Variants in TENM1 observed in about 807,000 individuals in gnomAD.
The protein encoded by TENM1 is teneurin transmembrane protein 1, also known as teneurin-1.
Under a neutral mutation model 174.8 loss-of-function variants are expected in TENM1, and 35 were observed. The observed-to-expected ratio is 0.20, with a 90% CI of 0.15 to 0.27. TENM1 has a LOEUF of 0.27. TENM1 is among the 10% of genes least tolerant of loss of function. TENM1 has a pLI of 1.00. For synonymous variants in TENM1, 781 were observed against 798.7 expected (o/e 0.98, Z 0.37); for missense variants, 1,633 against 2,130.1 (o/e 0.77, Z 4.59).
intron 1 of TENM1, among the ~76,000 whole-genome samples, chrX:124,956,697 T>C (rs4131997): frequency 0.12 from 13,240 of 112,144 alleles, 1,886 homozygotes; most frequent in African/African-American, 0.4. Context: ...ATGGATTTTG[T>C]GCTAGAAACT....
At chrX:124,672,986 A>AT (rs201621746) in intron 5 of TENM1, among the ~76,000 whole-genome samples, 11 of 111,578 alleles carry the variant, frequency 9.9e-5, no homozygotes, top group Non-Finnish European at 1.5e-4. Flanking sequence ...TGTTTTCCAT[A>AT]TTTTTTTTAC....
chrX:124,646,593 T>C (rs1373201912), intron 9 of TENM1, 116 bp downstream of exon 12: 2 of 509,493 alleles, frequency 3.9e-6, no homozygotes, highest in African/African-American at 4.7e-5. Context: ...TAGGGAACAC[T>C]GCTGCTGTTG....
intron 11 of TENM1, among the ~76,000 whole-genome samples, chrX:124,605,766 T>C (rs758255570): frequency 1.8e-5 from 2 of 111,727 alleles, no homozygotes; most frequent in Non-Finnish European, 3.8e-5. Flanking sequence ...ATACCAATGT[T>C]GCGCATCATT....
chrX:124,426,884 GC>G (rs1257423793), intron 23 of TENM1, among the ~76,000 whole-genome samples: 1 of 111,878 alleles, frequency 8.9e-6, no homozygotes, highest in Non-Finnish European at 1.9e-5. Context: ...TCTGTCTGAG[GC>G]CTTTGCATGT....
chrX:124,727,507 T>C (rs1407173385), intron 4 of TENM1, among the ~76,000 whole-genome samples: 1 of 111,475 alleles, frequency 9.0e-6, no homozygotes, highest in African/African-American at 3.3e-5. Context: ...CACTTAAAAG[T>C]GAACCTGGAT....
the TENM1 span, among the ~76,000 whole-genome samples, chrX:125,104,108 TAAAGG>T: frequency 1.8e-3 from 204 of 112,220 alleles, 1 homozygote; most frequent in African/African-American, 6.2e-3. Flanking sequence ...ACAAGGGCTG[TAAAGG>T]AAAGAAAAAG....
At chrX:124,725,889 A>T (rs773172845) in intron 4 of TENM1, among the ~76,000 whole-genome samples, 2 of 112,492 alleles carry the variant, frequency 1.8e-5, no homozygotes, top group African/African-American at 6.4e-5. Context: ...ATGGTAATGG[A>T]AATATTTGTT....
chrX:125,091,708 C>T, the TENM1 span, among the ~76,000 whole-genome samples: 1 of 110,986 alleles, frequency 9.0e-6, no homozygotes, highest in East Asian at 2.8e-4. Flanking sequence ...CTAGGAGAGG[C>T]CGGGCATGGT....
At chrX:124,861,590 T>A (rs1603250316) in intron 3 of TENM1, among the ~76,000 whole-genome samples, 1 of 112,278 alleles carries the variant, frequency 8.9e-6, no homozygotes, top group African/African-American at 3.2e-5. Flanking sequence ...TCATTCTAAT[T>A]GGAATGCTTT....
chrX:124,422,730 G>A, intron 23 of TENM1, 92 bp from the exon 27 acceptor site: 1 of 915,128 alleles, frequency 1.1e-6, no homozygotes, highest in Non-Finnish European at 1.5e-6. Flanking sequence ...TTGGTGTATT[G>A]TTTCCCCCGT....
intron 25 of TENM1, among the ~76,000 whole-genome samples, chrX:124,408,311 T>C (rs189817732): frequency 2.0e-4 from 22 of 110,357 alleles, no homozygotes; most frequent in African/African-American, 7.3e-4. Context: ...TCTGGCTAAT[T>C]TTTGTATTTT....
At chrX:124,397,124 C>T (rs1446933429) in intron 27 of TENM1, among the ~76,000 whole-genome samples, 1 of 110,220 alleles carries the variant, frequency 9.1e-6, no homozygotes, top group African/African-American at 3.3e-5. Context: ...TGGAGAGCCA[C>T]GAATAGTGTT....
At position 124,641,933 on chromosome X, in the gene TENM1, G is replaced by A. The variant is rs374112492; in HGVS notation, c.1935C>T (p.His645=). ...TAACTCCTCCCCAGCCAGTAGAACA[G>A]TGACATTCTCCTTTTACACAGATGC... Residue 645 remains histidine (H), a synonymous_variant, in exon 11 of 32, where the codon CAC becomes CAT. Transcript: ENST00000422452. The A allele has an allele frequency of 2.5e-5, 30 of 1,209,842 alleles. No homozygotes were observed. The African/African-American group carries it at 4.9e-4, about 20-fold the overall frequency.
intron 1 of TENM1, among the ~76,000 whole-genome samples, chrX:124,930,011 C>T (rs748646447): frequency 1.8e-5 from 2 of 110,292 alleles, no homozygotes; most frequent in Non-Finnish European, 3.8e-5. Flanking sequence ...TACTCCTTTC[C>T]CCACTTTAAT....
intron 22 of TENM1, among the ~76,000 whole-genome samples, chrX:124,476,117 A>G (rs2046718749): frequency 8.9e-6 from 1 of 112,015 alleles, no homozygotes; most frequent in Non-Finnish European, 1.9e-5. Context: ...TCCATTGAAC[A>G]GGAGAACCAA....
chrX:125,168,980 C>CTG, the TENM1 span, among the ~76,000 whole-genome samples: 1 of 99,008 alleles, frequency 1.0e-5, no homozygotes, highest in African/African-American at 5.0e-5. Context: ...CCAGTATCTC[C>CTG]TGTGTGTGTG....
At chrX:124,731,701 T>C (rs1328262600) in intron 4 of TENM1, among the ~76,000 whole-genome samples, 6 of 112,211 alleles carry the variant, frequency 5.3e-5, no homozygotes, top group Admixed American at 2.8e-4. Context: ...GCAAGCAGTA[T>C]AAATTCTCTA....
intron 3 of TENM1, among the ~76,000 whole-genome samples, chrX:124,893,774 C>T (rs1005157208): frequency 9.2e-6 from 1 of 108,278 alleles, no homozygotes; most frequent in East Asian, 2.8e-4. Context: ...TATAGGTTTA[C>T]AGAAGAGAAT....
At chrX:124,379,570 A>G (rs2060135067) in exon 32 of TENM1, 3 of 112,049 alleles carry the variant, frequency 2.7e-5, no homozygotes, top group African/African-American at 6.5e-5. Context: ...TCGGCATCCC[A>G]GACACGTATG....
Sources: allele counts gnomAD v4.1 joint callset (sites outside exome capture counted in the v4.1 genomes callset), GRCh38; gene constraint gnomAD v4.1.1; transcripts MANE v1.5; gene names NCBI Gene and HGNC (gene_info 2026-07-23, HGNC 2026-07-21).